The following WNK1 variants were observed in gnomAD, a reference collection of about 807,000 sequenced individuals.
The protein encoded by WNK1 is WNK lysine deficient protein kinase 1.
Under a neutral mutation model 222.8 loss-of-function variants are expected in WNK1, and 38 were observed. That is an observed-to-expected ratio of 0.17 (90% confidence interval 0.13 to 0.22). WNK1 has a LOEUF of 0.22. Ranked by LOEUF, WNK1 falls within the 10% of genes least tolerant of loss-of-function variation. The pLI, the probability that WNK1 is intolerant of heterozygous loss-of-function variation, is 1.00. For missense variants in WNK1, 2,348 were observed against 2,918.4 expected, an observed-to-expected ratio of 0.80 and a Z score of 4.50; for synonymous variants, 1,090 against 1,092.9, an observed-to-expected ratio of 1.00 and a Z score of 0.05.
At chr12:901,904 G>A (rs1052162079) in intron 26 of WNK1, among the ~76,000 whole-genome samples, 4 of 152,058 alleles carry the variant, frequency 2.6e-5, no homozygotes, top group Non-Finnish European at 5.9e-5. Flanking sequence ...GACAGAGAGT[G>A]GATATGGTAT....
intron 4 of WNK1, among the ~76,000 whole-genome samples, chr12:841,545 C>A (rs1161743010): frequency 6.6e-6 from 1 of 152,088 alleles, no homozygotes; most frequent in Non-Finnish European, 1.5e-5. Flanking sequence ...CTCTTTTTCT[C>A]AATGTTAAAC....
At chr12:876,514 A>C (rs943897157) in intron 9 of WNK1, among the ~76,000 whole-genome samples, 1 of 152,172 alleles carries the variant, frequency 6.6e-6, no homozygotes, top group Non-Finnish European at 1.5e-5. Flanking sequence ...AATTGACATA[A>C]ATATAAGAAG....
chr12:834,949 T>C (rs916159312), intron 4 of WNK1, among the ~76,000 whole-genome samples: 1 of 152,230 alleles, frequency 6.6e-6, no homozygotes, highest in Non-Finnish European at 1.5e-5. Context: ...ATGAATATAT[T>C]GTTTGTACGC....
intron 1 of WNK1, among the ~76,000 whole-genome samples, chr12:810,738 A>G (rs1229579263): frequency 6.6e-6 from 1 of 152,230 alleles, no homozygotes; most frequent in Admixed American, 6.5e-5. Context: ...AGATGTGCAA[A>G]TGGTTATGAG....
intron 1 of WNK1, among the ~76,000 whole-genome samples, chr12:782,924 G>T (rs758454862): frequency 4.6e-5 from 7 of 151,398 alleles, no homozygotes; most frequent in South Asian, 2.1e-4. Flanking sequence ...CTGAGACAGG[G>T]TCTTGCCCTG....
chr12:905,996 C>G (rs72650797), intron 26 of WNK1, among the ~76,000 whole-genome samples: 2 of 152,138 alleles, frequency 1.3e-5, no homozygotes, highest in Non-Finnish European at 2.9e-5. Context: ...CTTGTGTGTG[C>G]CATTCCCCAG....
intron 1 of WNK1, among the ~76,000 whole-genome samples, chr12:795,828 A>G (rs1443359935): frequency 2.6e-5 from 4 of 152,038 alleles, no homozygotes; most frequent in African/African-American, 9.7e-5. Flanking sequence ...AAAAATTTTT[A>G]TGCTTTGGGG....
chr12:774,425 C>G (rs925446654), intron 1 of WNK1, among the ~76,000 whole-genome samples: 19 of 152,174 alleles, frequency 1.2e-4, no homozygotes, highest in Admixed American at 9.8e-4. Flanking sequence ...CAGAAGCCAG[C>G]TGAGGAGACT....
At chr12:819,349 C>T (rs1053622195) in intron 2 of WNK1, among the ~76,000 whole-genome samples, 1 of 151,980 alleles carries the variant, frequency 6.6e-6, no homozygotes, top group African/African-American at 2.4e-5. Context: ...ATCTCTTATC[C>T]GAAATGCTTG....
chr12:870,142 C>A (rs1042651106), intron 8 of WNK1, among the ~76,000 whole-genome samples: 2 of 152,008 alleles, frequency 1.3e-5, no homozygotes, highest in Non-Finnish European at 2.9e-5. Context: ...TTCCTATGTT[C>A]TTCCCTCATC....
chr12:897,485 C>T lies in WNK1; in HGVS notation c.6252C>T (p.Leu2084=), dbSNP rs1954853605. ...GTTTGGTTATCTTTCACAGACATCT[C>T]AAAGAGATTCAGGACCTGCAGAGTC... ...LELRRLRDKH[L]KEIQDLQSRQ... The change falls in exon 25 of 28, where the codon CTC becomes CTT. Residue 2084 remains leucine (L), a synonymous_variant. Coordinates refer to ENST00000315939, the MANE Select transcript of WNK1 (RefSeq NM_018979.4). The T allele has an allele frequency of 6.3e-7, 1 of 1,588,080 alleles. No individual in the cohort carries two copies. Among genetic ancestry groups the T allele is most frequent in the African/African-American group, 1.3e-5 (1 of 74,396 alleles).
At chr12:904,558 A>C in intron 26 of WNK1, 1 of 1,143,174 alleles carries the variant, frequency 8.7e-7, no homozygotes, top group Non-Finnish European at 1.2e-6. Context: ...GAGTTCTTTC[A>C]ACTCTGCAGT....
chr12:836,635 T>C (rs1242369863), intron 4 of WNK1, among the ~76,000 whole-genome samples: 3 of 152,198 alleles, frequency 2.0e-5, no homozygotes, highest in Admixed American at 2.0e-4. Context: ...CCTCCAACTT[T>C]TCAATAAAAA....
At chr12:822,144 A>T (rs1288011675) in intron 2 of WNK1, among the ~76,000 whole-genome samples, 1 of 118,090 alleles carries the variant, frequency 8.5e-6, no homozygotes, top group Non-Finnish European at 1.6e-5. Flanking sequence ...CCCAGACTGG[A>T]GTGCAGTGGC....
At chr12:814,420 A>G (rs1947171156) in intron 2 of WNK1, among the ~76,000 whole-genome samples, 1 of 151,820 alleles carries the variant, frequency 6.6e-6, no homozygotes, top group East Asian at 1.9e-4. Context: ...GAAACTACCT[A>G]TTTTTTTCAT....
At chr12:777,572 A>G (rs1189224980) in intron 1 of WNK1, among the ~76,000 whole-genome samples, 1 of 152,194 alleles carries the variant, frequency 6.6e-6, no homozygotes, top group African/African-American at 2.4e-5. Flanking sequence ...TAGAATTTTG[A>G]GATAGAGCTA....
chr12:875,351 C>G (rs1952511456), intron 9 of WNK1, among the ~76,000 whole-genome samples: 1 of 152,102 alleles, frequency 6.6e-6, no homozygotes, highest in Admixed American at 6.6e-5. Context: ...TTTCACTGTC[C>G]TTTACTTTGA....
intron 9 of WNK1, among the ~76,000 whole-genome samples, chr12:873,040 GTTTTA>G (rs1266340937): frequency 2.0e-5 from 3 of 152,164 alleles, no homozygotes; most frequent in Non-Finnish European, 4.4e-5. Context: ...AACAAAATCT[GTTTTA>G]TTCTATTAAC....
intron 20 of WNK1, among the ~76,000 whole-genome samples, chr12:888,304 A>G (rs1953868382): frequency 6.6e-6 from 1 of 152,216 alleles, no homozygotes; most frequent in Non-Finnish European, 1.5e-5. Context: ...TCCATCAGCC[A>G]CCACATTTGG....
Sources: allele counts gnomAD v4.1 joint callset (sites outside exome capture counted in the v4.1 genomes callset), GRCh38; gene constraint gnomAD v4.1.1; transcripts MANE v1.5; gene names NCBI Gene and HGNC (gene_info 2026-07-23, HGNC 2026-07-21).